The following CCDC91 variants were observed in gnomAD, a reference collection of about 807,000 sequenced individuals.
CCDC91 encodes the protein coiled-coil domain-containing protein 91.
In CCDC91, 48 loss-of-function variants were observed where a neutral mutation model predicts 63.2. The observed-to-expected ratio is 0.76, with a 90% CI of 0.60 to 0.97. The LOEUF (loss-of-function observed/expected upper bound fraction) is 0.97. CCDC91 is among the 50% of genes least tolerant of loss of function. The pLI is 0.00. For missense variants in CCDC91, 500 were observed against 494.6 expected (o/e 1.01, Z -0.10); for synonymous variants, 167 against 165.8 (o/e 1.01, Z -0.06).
chr12:28,205,949 A>G (rs1230269390), intron 1 of CCDC91, among the ~76,000 whole-genome samples: 1 of 152,146 alleles, frequency 6.6e-6, no homozygotes, highest in Non-Finnish European at 1.5e-5. Flanking sequence ...TGTCACAATC[A>G]TTGTAGTAAA....
At chr12:28,525,058 C>A (rs978585657) in intron 12 of CCDC91, among the ~76,000 whole-genome samples, 1 of 151,958 alleles carries the variant, frequency 6.6e-6, no homozygotes, top group African/African-American at 2.4e-5. Context: ...CTTTTTGTTT[C>A]ATGTATCTTT....
chr12:28,317,233 C>G (rs1208107819), intron 6 of CCDC91, among the ~76,000 whole-genome samples: 1 of 151,936 alleles, frequency 6.6e-6, no homozygotes. Flanking sequence ...GTTTGTGCTT[C>G]TATTTTTTAA....
chr12:28,504,286 G>T (rs1357171900), intron 12 of CCDC91, among the ~76,000 whole-genome samples: 2 of 151,672 alleles, frequency 1.3e-5, no homozygotes, highest in Admixed American at 1.3e-4. Flanking sequence ...CCTATACCAA[G>T]AAAATGTTTC....
chr12:28,494,597 A>G (rs1488605801), intron 12 of CCDC91, among the ~76,000 whole-genome samples: 2 of 151,736 alleles, frequency 1.3e-5, no homozygotes, highest in Non-Finnish European at 2.9e-5. Flanking sequence ...CTGGACACAT[A>G]TGTCATCAAT....
At chr12:28,547,812 A>G (rs779437646) in intron 12 of CCDC91, among the ~76,000 whole-genome samples, 11 of 152,022 alleles carry the variant, frequency 7.2e-5, no homozygotes, top group Non-Finnish European at 1.0e-4. Flanking sequence ...TAGTCATCCA[A>G]TTTTTCAGCC....
chr12:28,362,114 AC>A (rs1344466666), intron 6 of CCDC91, among the ~76,000 whole-genome samples: 1 of 152,030 alleles, frequency 6.6e-6, no homozygotes, highest in Non-Finnish European at 1.5e-5. Flanking sequence ...TGTTGCAGTG[AC>A]GCAGGGTTTC....
At chr12:28,228,886 T>C (rs1229858763) in intron 1 of CCDC91, among the ~76,000 whole-genome samples, 1 of 152,168 alleles carries the variant, frequency 6.6e-6, no homozygotes, top group Non-Finnish European at 1.5e-5. Flanking sequence ...TCAGTGTGGG[T>C]ATATTTATCT....
At chr12:28,309,629 C>T (rs1326713741) in intron 6 of CCDC91, among the ~76,000 whole-genome samples, 1 of 152,092 alleles carries the variant, frequency 6.6e-6, no homozygotes, top group East Asian at 1.9e-4. Flanking sequence ...TCAAATGCTT[C>T]TTGAACCAGT....
At chr12:28,444,861 A>T (rs1263613189) in intron 8 of CCDC91, among the ~76,000 whole-genome samples, 6 of 151,970 alleles carry the variant, frequency 3.9e-5, no homozygotes, top group Admixed American at 1.3e-4. Flanking sequence ...TTTTTTTTTT[A>T]AAAGCAGTTC....
chr12:28,231,075 C>G (rs1178218710), intron 1 of CCDC91, among the ~76,000 whole-genome samples: 7 of 152,130 alleles, frequency 4.6e-5, no homozygotes, highest in Non-Finnish European at 8.8e-5. Context: ...ATACTAGAGG[C>G]TCTAAGAAAT....
At chr12:28,410,164 C>T (rs1181547733) in intron 8 of CCDC91, among the ~76,000 whole-genome samples, 5 of 152,116 alleles carry the variant, frequency 3.3e-5, no homozygotes, top group African/African-American at 4.8e-5. Flanking sequence ...ACTAGTTCTC[C>T]TTGCTGCTCT....
At chr12:28,537,621 C>A (rs1259576084) in intron 12 of CCDC91, among the ~76,000 whole-genome samples, 1 of 152,152 alleles carries the variant, frequency 6.6e-6, no homozygotes, top group Non-Finnish European at 1.5e-5. Context: ...CAGTTCAGAG[C>A]TAGTACAGAA....
chr12:28,225,269 G>A (rs889693133), intron 1 of CCDC91, among the ~76,000 whole-genome samples: 2 of 152,158 alleles, frequency 1.3e-5, no homozygotes, highest in African/African-American at 4.8e-5. Context: ...AGTACTGATA[G>A]TATCTGAGGT....
intron 12 of CCDC91, among the ~76,000 whole-genome samples, chr12:28,542,216 T>G (rs1942676598): frequency 6.6e-6 from 1 of 152,076 alleles, no homozygotes; most frequent in Admixed American, 6.6e-5. Flanking sequence ...GACAGAACTA[T>G]GCAAATACGA....
At chr12:28,227,705 G>A (rs1944357040) in intron 1 of CCDC91, among the ~76,000 whole-genome samples, 1 of 151,836 alleles carries the variant, frequency 6.6e-6, no homozygotes, top group Non-Finnish European at 1.5e-5. Flanking sequence ...TGGATTATTA[G>A]TTTATTGCAT....
At chr12:28,230,010 C>T (rs1486328332) in intron 1 of CCDC91, among the ~76,000 whole-genome samples, 1 of 152,136 alleles carries the variant, frequency 6.6e-6, no homozygotes, top group Non-Finnish European at 1.5e-5. Context: ...TTTCATTATT[C>T]ATTCTTCTCA....
chr12:28,369,330 A>T (rs888794367), intron 7 of CCDC91, among the ~76,000 whole-genome samples: 3 of 152,200 alleles, frequency 2.0e-5, no homozygotes, highest in African/African-American at 7.2e-5. Flanking sequence ...GAAACCCAGC[A>T]GGACAGTCAT....
intron 3 of CCDC91, among the ~76,000 whole-genome samples, chr12:28,276,799 T>C (rs1314074088): frequency 6.6e-6 from 1 of 152,026 alleles, no homozygotes; most frequent in African/African-American, 2.4e-5. Flanking sequence ...TTTTGTAAGC[T>C]AACAAAAAAA....
chr12:28,311,495 A>G (rs1435359490), intron 6 of CCDC91, among the ~76,000 whole-genome samples: 1 of 151,996 alleles, frequency 6.6e-6, no homozygotes, highest in African/African-American at 2.4e-5. Flanking sequence ...CGAGAGTGGA[A>G]ATCTAGGCTC....
Sources: allele counts gnomAD v4.1 joint callset (sites outside exome capture counted in the v4.1 genomes callset), GRCh38; gene constraint gnomAD v4.1.1; transcripts MANE v1.5; gene names NCBI Gene and HGNC (gene_info 2026-07-23, HGNC 2026-07-21).